KPNA7: variants seen among roughly 807,000 people sequenced by gnomAD.
KPNA7 encodes karyopherin subunit alpha 7.
Under a neutral mutation model 53.7 loss-of-function variants are expected in KPNA7, and 54 were observed. The ratio of observed to expected loss-of-function variants is 1.01; its 90% CI spans 0.81 to 1.26. The LOEUF is 1.26. Ranked by LOEUF, KPNA7 falls within the 50% of genes most tolerant of loss-of-function variation. The probability of loss-of-function intolerance (pLI) is 0.00; values close to 1 mark genes in which losing one functional copy is unlikely to be tolerated. For synonymous variants in KPNA7, 276 were observed against 259.3 expected, an observed-to-expected ratio of 1.06 and a Z score of -0.62; for missense variants, 640 against 644.5, an observed-to-expected ratio of 0.99 and a Z score of 0.07.
rs1282420523 is a variant in KPNA7, at chr7:99,185,102, C to A, written c.961G>T (p.Ala321Ser). 6.4e-7 allele frequency: 1 copy of A among 1,551,838 alleles called. No homozygotes were observed. The highest frequency in any genetic ancestry group is 8.7e-7 in the Non-Finnish European group (1 of 1,147,070). Reference sequence around the variant, plus strand: ...ACGTTCAGCATACCCGCATCAATGGCCATCTGCGTCTGCTCATCTGTGCCC... The same window carrying A: ...ACGTTCAGCATACCCGCATCAATGGACATCTGCGTCTGCTCATCTGTGCCC... ...VTGTDEQTQM[A>S]IDAGMLNVLP... The change falls in exon 8 of 11, where the codon GCC becomes TCC. Residue 321 changes from alanine to serine, a missense_variant. Physicochemically the swap from Ala to Ser is moderately conservative, Grantham distance 99. Coordinates refer to ENST00000327442, the MANE Select transcript of KPNA7 (RefSeq NM_001145715.3).
chr7:99,152,763 G>A, the KPNA7 span, among the ~76,000 whole-genome samples: 12,625 of 152,158 alleles, frequency 0.083, 774 homozygotes, highest in East Asian at 0.17. Context: ...TCAATTAGAG[G>A]TATAATCATT....
At chr7:99,146,678 C>CTTCA in the KPNA7 span, among the ~76,000 whole-genome samples, 3 of 125,748 alleles carry the variant, frequency 2.4e-5, no homozygotes, top group African/African-American at 3.0e-5. Context: ...TGCCACTGCA[C>CTTCA]TTCAGCCTGG....
intron 6 of KPNA7, among the ~76,000 whole-genome samples, chr7:99,188,823 G>A (rs1209957677): frequency 6.6e-6 from 1 of 152,036 alleles, no homozygotes; most frequent in African/African-American, 2.4e-5. Context: ...GATTACAGGT[G>A]CCCGCCACCA....
intron 7 of KPNA7, among the ~76,000 whole-genome samples, chr7:99,187,555 AT>A (rs36042018): frequency 0.016 from 1,973 of 124,388 alleles, 40 homozygotes; most frequent in African/African-American, 0.053. Context: ...CACCCAGCTA[AT>A]TTTTTTTTTT....
chr7:99,173,543 C>T (rs370647014), downstream of KPNA7: 19 of 557,160 alleles, frequency 3.4e-5, no homozygotes, highest in East Asian at 2.1e-4. Flanking sequence ...AGATGCAAGT[C>T]GTTTATCTGA....
At chr7:99,210,389 A>C (rs543601357), upstream of KPNA7, among the ~76,000 whole-genome samples, 1 of 151,234 alleles carries the variant, frequency 6.6e-6, no homozygotes, top group African/African-American at 2.4e-5. Flanking sequence ...CTCTCCTCCT[A>C]CTCCCCATGG....
intron 2 of KPNA7, among the ~76,000 whole-genome samples, 160 bp downstream of exon 2, chr7:99,207,241 G>T (rs1790860404): frequency 6.6e-6 from 1 of 152,014 alleles, no homozygotes; most frequent in Non-Finnish European, 1.5e-5. Context: ...CACCATGTTG[G>T]CCAGGATCGT....
chr7:99,184,510 C>A (rs1047833836), intron 8 of KPNA7, among the ~76,000 whole-genome samples: 2 of 152,084 alleles, frequency 1.3e-5, no homozygotes, highest in African/African-American at 2.4e-5. Flanking sequence ...TTGACATTAC[C>A]ACTTTAATCA....
chr7:99,209,614 C>T (rs1027880035), upstream of KPNA7, among the ~76,000 whole-genome samples: 1 of 122,438 alleles, frequency 8.2e-6, no homozygotes, highest in African/African-American at 3.0e-5. Context: ...ACCCAGGGGG[C>T]GGAGGTTGCC....
intron 9 of KPNA7, among the ~76,000 whole-genome samples, chr7:99,180,723 CTGTGTCTCTCTCTCTCCCCG>C (rs1799159090): frequency 7.8e-6 from 1 of 127,590 alleles, no homozygotes; most frequent in African/African-American, 2.9e-5. Flanking sequence ...CTCTCTCCGT[CTGTGTCTCTCTCTCTCCCCG>C]TGTCTCTCTC....
At chr7:99,175,533 G>A (rs1798870733) in intron 10 of KPNA7, among the ~76,000 whole-genome samples, 2 of 148,942 alleles carry the variant, frequency 1.3e-5, no homozygotes, top group South Asian at 4.3e-4. Flanking sequence ...TATTTATTTT[G>A]GAGATGGAGT....
intron 6 of KPNA7, 29 bp from the exon 7 acceptor site, chr7:99,188,592 G>A (rs1789766070): frequency 6.5e-7 from 1 of 1,541,778 alleles, no homozygotes; most frequent in Non-Finnish European, 8.8e-7. Flanking sequence ...CTCCAGCATT[G>A]GGTGCAAAGG....
At position 99,199,597 on chromosome 7, in the gene KPNA7, C is replaced by T. The variant is rs1040208534; in HGVS notation, c.202-3431G>A. Among the ~76,000 whole-genome samples, 11 of 152,114 alleles carry T rather than the reference C, an allele frequency of 7.2e-5. No individual in the cohort carries two copies. The South Asian group carries it at 8.3e-4, about 11-fold the overall frequency. On this transcript the variant is annotated intron_variant, in intron 3 of 10. Transcript: ENST00000327442. ...ACCATTTACAAAAATTAACTCCAAA[C>T]GGCTCAAAGGCCTAAAAGTAAGAGC...
chr7:99,166,259 CT>C, the KPNA7 span, among the ~76,000 whole-genome samples: 7 of 152,298 alleles, frequency 4.6e-5, no homozygotes, highest in African/African-American at 1.7e-4. Context: ...TTTAATCCCT[CT>C]TTCAACATCT....
chr7:99,168,093 G>A, the KPNA7 span, among the ~76,000 whole-genome samples: 1 of 149,882 alleles, frequency 6.7e-6, no homozygotes, highest in Non-Finnish European at 1.5e-5. Flanking sequence ...AACACTCTTG[G>A]CATGTTTTCT....
chr7:99,195,477 T>C, intron 4 of KPNA7, 139 bp from the exon 5 acceptor site: 1 of 744,646 alleles, frequency 1.3e-6, no homozygotes, highest in Non-Finnish European at 2.2e-6. Context: ...TCACTTGAGG[T>C]CGCAAGGTCA....
the KPNA7 span, among the ~76,000 whole-genome samples, chr7:99,149,863 G>A: frequency 3.3e-5 from 5 of 152,064 alleles, no homozygotes; most frequent in Admixed American, 1.3e-4. Context: ...CTCGGCTCAC[G>A]TGCAACCTGC....
the KPNA7 span, among the ~76,000 whole-genome samples, chr7:99,153,067 G>T: frequency 1.3e-5 from 2 of 152,124 alleles, no homozygotes; most frequent in African/African-American, 4.8e-5. Flanking sequence ...TGCTTACCTC[G>T]CAAACGGGGT....
chr7:99,146,247 C>T, the KPNA7 span, among the ~76,000 whole-genome samples: 9 of 152,260 alleles, frequency 5.9e-5, no homozygotes, highest in East Asian at 5.8e-4. Context: ...CTCCCCGCCC[C>T]GACGGCTGGT....
Sources: gnomAD v4.1 joint callset for allele counts (sites outside exome capture counted in the v4.1 genomes callset) on GRCh38, gnomAD v4.1.1 for gene constraint, MANE v1.5 for transcripts, NCBI Gene and HGNC (gene_info 2026-07-23, HGNC 2026-07-21) for gene names.